The following PSD2 variants were observed in gnomAD, a reference collection of about 807,000 sequenced individuals.
PSD2 encodes the protein pleckstrin and Sec7 domain containing 2, also known as PH and SEC7 domain-containing protein 2.
A neutral mutation model predicts 69.8 loss-of-function variants in PSD2; 38 were observed. The ratio of observed to expected loss-of-function variants is 0.54; its 90% CI spans 0.42 to 0.71. PSD2 has a LOEUF of 0.71. Ranked by LOEUF, PSD2 falls within the 30% of genes least tolerant of loss-of-function variation. The pLI is 0.00. For synonymous variants in PSD2, 412 were observed against 423.0 expected (o/e 0.97, Z 0.32); for missense variants, 943 against 1,014.5 (o/e 0.93, Z 0.96).
At chr5:139,821,232 C>T (rs1305799352) in intron 5 of PSD2, among the ~76,000 whole-genome samples, 1 of 152,140 alleles carries the variant, frequency 6.6e-6, no homozygotes, top group Non-Finnish European at 1.5e-5. Flanking sequence ...CGCGCCTGGC[C>T]CAGTGATGGA....
chr5:139,792,106 G>A (rs1237073503), upstream of PSD2, among the ~76,000 whole-genome samples: 2 of 151,814 alleles, frequency 1.3e-5, no homozygotes, highest in African/African-American at 4.8e-5. Context: ...ATTTGAGGTG[G>A]GAAGTGTCAG....
the PSD2 span, among the ~76,000 whole-genome samples, chr5:139,744,455 G>A: frequency 6.6e-6 from 1 of 152,200 alleles, no homozygotes; most frequent in Admixed American, 6.5e-5. Context: ...CTGGTCCTCA[G>A]AGTTGGCTAG....
Position 139,822,741 on chromosome 5 carries a change from T to A in PSD2, c.1226T>A (p.Leu409His), listed in dbSNP as rs1391323963. 8 of 1,610,362 alleles carry A rather than the reference T, an allele frequency of 5.0e-6. No individual in the cohort carries two copies. Among genetic ancestry groups the A allele is most frequent in the Non-Finnish European group, 5.9e-6 (7 of 1,178,244 alleles). ...TCTGACTCAGATGGGATCCACACGC[T>A]CACCTGTGCCCTGATGCTGCTCAAC... is the stretch of plus-strand genomic sequence containing the variant. ...DSTSEDGIHT[L>H]TCALMLLNTD... is the part of the protein sequence containing the mutation. Residue 409 changes from leucine to histidine, a missense_variant, in exon 7 of 15, where the codon CTC (leucine) becomes CAC (histidine). Coordinates refer to ENST00000274710, the MANE Select transcript of PSD2 (RefSeq NM_032289.4).
chr5:139,797,058 C>T (rs1581705839), intron 1 of PSD2, among the ~76,000 whole-genome samples: 1 of 152,274 alleles, frequency 6.6e-6, no homozygotes, highest in East Asian at 1.9e-4. Flanking sequence ...GGACTGCCTC[C>T]AAACCCAACC....
upstream of PSD2, among the ~76,000 whole-genome samples, chr5:139,792,011 C>A (rs563867459): frequency 6.6e-6 from 1 of 152,098 alleles, no homozygotes; most frequent in African/African-American, 2.4e-5. Context: ...GGAAGGCATC[C>A]CAGGCAGAGA....
At chr5:139,787,938 G>A in the PSD2 span, among the ~76,000 whole-genome samples, 1 of 152,218 alleles carries the variant, frequency 6.6e-6, no homozygotes, top group African/African-American at 2.4e-5. Context: ...TTTGAGAACG[G>A]GCGGGATCCC....
the PSD2 span, among the ~76,000 whole-genome samples, chr5:139,783,624 T>A: frequency 6.6e-6 from 1 of 152,168 alleles, no homozygotes; most frequent in Non-Finnish European, 1.5e-5. Context: ...GTAGACAGGG[T>A]CTTGCTGTGT....
chr5:139,795,300 A>C, upstream of PSD2, among the ~76,000 whole-genome samples: 1 of 149,688 alleles, frequency 6.7e-6, no homozygotes, highest in Non-Finnish European at 1.5e-5. This position sits in a 1 kb window ranked among gnomAD's most constrained non-coding sequence, Gnocchi z 4.5. Flanking sequence ...GGCCCCCCGC[A>C]CTCCCTGCTC....
chr5:139,842,006 G>A (rs190114538), intron 14 of PSD2, among the ~76,000 whole-genome samples: 7 of 152,192 alleles, frequency 4.6e-5, no homozygotes, highest in Admixed American at 4.6e-4. Flanking sequence ...TTTTGATATA[G>A]TCCCATTTGT....
At position 139,813,310 on chromosome 5, in the gene PSD2, T is replaced by G; in HGVS notation, c.373T>G (p.Leu125Val). Residue 125 changes from leucine to valine, a missense_variant and splice_region_variant, in exon 3 of 15, where the codon TTG becomes GTG. By Grantham distance (32) the Leu-to-Val change is conservative. Around this residue, in one of 3 missense-constraint regions of PSD2, gnomAD observed 466 missense variants for 445.0 expected, o/e 1.05. Coordinates refer to ENST00000274710, the MANE Select transcript of PSD2 (RefSeq NM_032289.4). ...TGACTGGCTCCTTGCATCCCACAGGTTGGATGGTCCCGGGGAGCCAGATGT... is the reference window on the plus strand; with the variant it reads ...TGACTGGCTCCTTGCATCCCACAGGGTGGATGGTCCCGGGGAGCCAGATGT... The part of the protein sequence containing the change: ...YPDAEDPQLG[L>V]DGPGEPDVRD... 1 of 1,536,234 alleles carries G rather than the reference T, an allele frequency of 6.5e-7. No individual in the cohort carries two copies.
At chr5:139,746,437 C>T in the PSD2 span, among the ~76,000 whole-genome samples, 1 of 152,190 alleles carries the variant, frequency 6.6e-6, no homozygotes, top group Admixed American at 6.5e-5. The surrounding 1 kb of genome is among the most constrained non-coding windows in gnomAD (Gnocchi z 4.5). Flanking sequence ...GGGGGTCACC[C>T]GAGCCTTCTC....
chr5:139,809,319 T>C, intron 1 of PSD2, 72 bp from the exon 2 acceptor site: 1 of 1,208,156 alleles, frequency 8.3e-7, no homozygotes, highest in Non-Finnish European at 1.2e-6. Context: ...TGCCACTGGT[T>C]CTGCTGGACT....
Position 139,821,091 on chromosome 5 carries a change from C to G in PSD2, c.1098-802C>G, listed in dbSNP as rs544835740. On this transcript the variant is annotated intron_variant, in intron 5 of 14. Transcript: ENST00000274710. ...TGGATTACAGGCATGCGCCACCACA[C>G]CTGGCTAATTTTTGTATTTTTAGTA... 2.6e-5 allele frequency among the ~76,000 whole-genome samples: 4 copies of G among 152,266 alleles called. No individual in the cohort carries two copies. The South Asian group carries it at 6.2e-4, about 24-fold the overall frequency.
the PSD2 span, among the ~76,000 whole-genome samples, chr5:139,781,604 G>A: frequency 6.6e-6 from 1 of 151,212 alleles, no homozygotes; most frequent in African/African-American, 2.4e-5. Context: ...CAAAGTGCTG[G>A]GATTACAGGT....
intron 5 of PSD2, among the ~76,000 whole-genome samples, chr5:139,820,470 C>T (rs1345885728): frequency 6.6e-6 from 1 of 152,098 alleles, no homozygotes; most frequent in Non-Finnish European, 1.5e-5. Context: ...GAGTACTCTG[C>T]AGTTTTGGAT....
intron 12 of PSD2, among the ~76,000 whole-genome samples, chr5:139,838,147 G>A (rs1333913386): frequency 6.6e-6 from 1 of 152,242 alleles, no homozygotes; most frequent in African/African-American, 2.4e-5. Flanking sequence ...CAGGTAACCT[G>A]TAAGGCTGTC....
At chr5:139,774,145 A>G in the PSD2 span, among the ~76,000 whole-genome samples, 2 of 151,660 alleles carry the variant, frequency 1.3e-5, no homozygotes, top group Non-Finnish European at 2.9e-5. Flanking sequence ...TTTGATGTGC[A>G]TTGTCCTAAT....
At chr5:139,835,114 A>G (rs1760685300) in intron 8 of PSD2, among the ~76,000 whole-genome samples, 2 of 147,134 alleles carry the variant, frequency 1.4e-5, no homozygotes, top group Admixed American at 6.8e-5. Context: ...TTCCCCACCC[A>G]TTCACTTACC....
At position 139,840,102 on chromosome 5, in the gene PSD2, G is replaced by A. The variant is rs1760835978; in HGVS notation, c.2044G>A (p.Val682Ile). 17 of 1,614,224 alleles carry A rather than the reference G, an allele frequency of 1.1e-5. No homozygotes were observed. Among genetic ancestry groups the A allele is most frequent in the Non-Finnish European group, 1.4e-5 (16 of 1,180,044 alleles). ...GCTGGCCGAACACAGGTGTCACCCAGTCGAGAGGGGCATCAAGTCCAAGGA... is the reference window on the plus strand; with the variant it reads ...GCTGGCCGAACACAGGTGTCACCCAATCGAGAGGGGCATCAAGTCCAAGGA... Reference protein sequence around the residue: ...AELAEHRCHPVERGIKSKEAE... With the variant: ...AELAEHRCHPIERGIKSKEAE... The change falls in exon 14 of 15, where the codon GTC (valine) becomes ATC (isoleucine). Residue 682 changes from valine (V) to isoleucine (I), a missense_variant. By Grantham distance (29) the Val-to-Ile change is conservative. Around this residue, in one of 3 missense-constraint regions of PSD2, gnomAD observed 165 missense variants for 168.8 expected, o/e 0.98. Coordinates refer to ENST00000274710, the MANE Select transcript of PSD2 (RefSeq NM_032289.4).
Sources: gnomAD v4.1 joint callset for allele counts (sites outside exome capture counted in the v4.1 genomes callset) on GRCh38, gnomAD v4.1.1 for gene constraint, gnomAD v4.1.1 regional missense constraint, Gnocchi (gnomAD v3.1) non-coding constraint, MANE v1.5 for transcripts, NCBI Gene and HGNC (gene_info 2026-07-23, HGNC 2026-07-21) for gene names.